The following GPM6A variants were observed in gnomAD, a reference collection of about 807,000 sequenced individuals.
The protein encoded by GPM6A is glycoprotein M6A, also known as neuronal membrane glycoprotein M6-a.
A neutral mutation model predicts 32.1 loss-of-function variants in GPM6A; 7 were observed. The observed-to-expected ratio is 0.22, with a 90% confidence interval of 0.12 to 0.41. The LOEUF is 0.41. Among genes scored for constraint, GPM6A ranks in the 10% least tolerant of loss-of-function variants. The pLI, the probability that GPM6A is intolerant of heterozygous loss-of-function variation, is 1.00. For synonymous variants in GPM6A, 130 were observed against 123.4 expected, an observed-to-expected ratio of 1.05 and a Z score of -0.35; for missense variants, 235 against 347.2, an observed-to-expected ratio of 0.68 and a Z score of 2.57.
At chr4:175,893,578 C>G (rs61495675) in intron 1 of GPM6A, among the ~76,000 whole-genome samples, 1,577 of 152,238 alleles carry the variant, frequency 0.01, 29 homozygotes, top group African/African-American at 0.036. Context: ...TCCTCCAGCA[C>G]CTTCATGGGG....
At chr4:175,843,204 A>T (rs1735992534) in intron 1 of GPM6A, among the ~76,000 whole-genome samples, 3 of 152,188 alleles carry the variant, frequency 2.0e-5, no homozygotes, top group Non-Finnish European at 2.9e-5. Context: ...GATTTCCTAG[A>T]TGAAGAGCAT....
chr4:175,988,466 T>C (rs1190804347), intron 1 of GPM6A, among the ~76,000 whole-genome samples: 3 of 152,184 alleles, frequency 2.0e-5, no homozygotes, highest in Non-Finnish European at 2.9e-5. Context: ...AGATGAAACT[T>C]TTTGTAGTCA....
At chr4:175,790,329 A>G (rs1733962951) in intron 1 of GPM6A, 1 of 152,192 alleles carries the variant, frequency 6.6e-6, no homozygotes, top group Admixed American at 6.6e-5. Context: ...CAGTGACCCA[A>G]TTACTTTCTG....
intron 6 of GPM6A, among the ~76,000 whole-genome samples, chr4:175,637,630 T>TATTATATAAAATATAAAATATATA (rs1560842506): frequency 1.7e-5 from 1 of 59,396 alleles, no homozygotes. Context: ...ATATATTATA[T>TATTATATAAAATATAAAATATATA]ATATATTATA....
intron 1 of GPM6A, among the ~76,000 whole-genome samples, chr4:175,946,755 A>G (rs1739621250): frequency 1.3e-5 from 2 of 152,318 alleles, no homozygotes; most frequent in South Asian, 4.1e-4. Context: ...AGGACAGACA[A>G]TTGGGGCCTG....
intron 1 of GPM6A, among the ~76,000 whole-genome samples, chr4:175,942,335 A>G (rs1739439216): frequency 1.3e-5 from 2 of 151,994 alleles, no homozygotes; most frequent in Non-Finnish European, 1.5e-5. Context: ...TTGCCTGTTC[A>G]CTCTGATGAT....
At chr4:175,798,025 A>G (rs1211031618) in intron 1 of GPM6A, among the ~76,000 whole-genome samples, 1 of 152,226 alleles carries the variant, frequency 6.6e-6, no homozygotes, top group Admixed American at 6.5e-5. Flanking sequence ...TCACCGAATC[A>G]GAAACTTGAG....
chr4:175,850,595 C>T (rs1179797773), intron 1 of GPM6A, among the ~76,000 whole-genome samples: 1 of 151,978 alleles, frequency 6.6e-6, no homozygotes, highest in Admixed American at 6.6e-5. Flanking sequence ...TGACACATGC[C>T]TGACAGCAAA....
At chr4:175,944,337 C>A (rs567396980) in intron 1 of GPM6A, among the ~76,000 whole-genome samples, 12 of 152,058 alleles carry the variant, frequency 7.9e-5, no homozygotes, top group Non-Finnish European at 1.8e-4. Flanking sequence ...CATGATTAAA[C>A]CAGTAACTAT....
At chr4:175,964,537 G>T (rs1292540950) in intron 1 of GPM6A, among the ~76,000 whole-genome samples, 1 of 152,208 alleles carries the variant, frequency 6.6e-6, no homozygotes, top group Non-Finnish European at 1.5e-5. Flanking sequence ...TCCTTGGCTT[G>T]AAGATGGCCA....
At chr4:175,729,882 A>C (rs1731342684) in intron 1 of GPM6A, among the ~76,000 whole-genome samples, 1 of 143,908 alleles carries the variant, frequency 6.9e-6, no homozygotes, top group Non-Finnish European at 1.5e-5. Context: ...TAATAATTAT[A>C]TTATATATTA....
chr4:175,922,339 A>G (rs1313855824), intron 1 of GPM6A, among the ~76,000 whole-genome samples: 1 of 152,180 alleles, frequency 6.6e-6, no homozygotes, highest in African/African-American at 2.4e-5. Flanking sequence ...ATCAGTCCAC[A>G]TTAATAGATT....
intron 1 of GPM6A, among the ~76,000 whole-genome samples, chr4:175,724,961 C>A (rs1746329349): frequency 1.3e-5 from 2 of 152,160 alleles, no homozygotes; most frequent in Non-Finnish European, 2.9e-5. Flanking sequence ...GGCATTCTCC[C>A]TGGCGAGGCC....
In GPM6A at chr4:175,936,706, C is replaced by T. The variant is rs562801351; in HGVS notation, c.-23+65603G>A. On this transcript the variant is annotated intron_variant, in intron 1 of 7. Transcript: ENST00000280187. ...CTTTTTAAAAATTGAAGAAAAAAAA[C>T]CCATAAAAACGTAAAGCATCTGTAG... Among the ~76,000 whole-genome samples the T allele has an allele frequency of 8.6e-5, 13 of 151,648 alleles. No individual in the cohort carries two copies. In the South Asian group the frequency reaches 2.7e-3, roughly 32 times the overall value.
chr4:175,949,480 A>G (rs1255878852), intron 1 of GPM6A, among the ~76,000 whole-genome samples: 2 of 152,212 alleles, frequency 1.3e-5, no homozygotes, highest in South Asian at 2.1e-4. Context: ...TCAAAGTAAT[A>G]TAAATTTTAC....
intron 1 of GPM6A, among the ~76,000 whole-genome samples, chr4:175,964,299 C>CA (rs769129294): frequency 5.9e-5 from 2 of 33,890 alleles, no homozygotes; most frequent in East Asian, 2.5e-3. Context: ...AACAAACAAA[C>CA]AACAACAACA....
At chr4:175,909,468 T>G (rs776078941) in intron 1 of GPM6A, among the ~76,000 whole-genome samples, 60 of 152,296 alleles carry the variant, frequency 3.9e-4, no homozygotes, top group Non-Finnish European at 8.2e-4. Flanking sequence ...TTAATATATT[T>G]GTTTATAAAT....
At chr4:175,876,050 C>T (rs1016663717) in intron 1 of GPM6A, among the ~76,000 whole-genome samples, 1 of 152,170 alleles carries the variant, frequency 6.6e-6, no homozygotes, top group Admixed American at 6.5e-5. Flanking sequence ...GTCAGATAAC[C>T]TTTTTTGTCA....
intron 3 of GPM6A, among the ~76,000 whole-genome samples, chr4:175,666,600 A>G (rs1012222257): frequency 2.6e-5 from 4 of 152,212 alleles, no homozygotes; most frequent in Admixed American, 2.6e-4. Flanking sequence ...AAGACCATTA[A>G]TAGTCTGTGG....
Sources: allele counts gnomAD v4.1 joint callset (sites outside exome capture counted in the v4.1 genomes callset), GRCh38; gene constraint gnomAD v4.1.1; transcripts MANE v1.5; gene names NCBI Gene and HGNC (gene_info 2026-07-23, HGNC 2026-07-21).